The following ZKSCAN5 variants were observed in gnomAD, a reference collection of about 807,000 sequenced individuals.
The protein encoded by ZKSCAN5 is zinc finger protein with KRAB and SCAN domains 5.
In ZKSCAN5, 28 loss-of-function variants were observed where a neutral mutation model predicts 60.0. That is an observed-to-expected ratio of 0.47 (90% confidence interval 0.35 to 0.64). The LOEUF is 0.64. Among genes scored for constraint, ZKSCAN5 ranks in the 30% least tolerant of loss-of-function variants. The pLI, the probability that ZKSCAN5 is intolerant of heterozygous loss-of-function variation, is 0.01. For synonymous variants in ZKSCAN5, 361 were observed against 371.2 expected (o/e 0.97, Z 0.31); for missense variants, 881 against 1,034.6 (o/e 0.85, Z 2.04).
chr7:99,517,936 T>C (rs1008289037), intron 3 of ZKSCAN5, among the ~76,000 whole-genome samples: 1 of 152,088 alleles, frequency 6.6e-6, no homozygotes, highest in Non-Finnish European at 1.5e-5. Flanking sequence ...CAAGCTTGCA[T>C]TAGACAGTAC....
chr7:99,519,772 C>G (rs1801436433), intron 3 of ZKSCAN5, 55 bp from the exon 4 acceptor site: 7 of 1,534,854 alleles, frequency 4.6e-6, no homozygotes, highest in African/African-American at 1.4e-5. Context: ...AACATGATGG[C>G]AATGAGAACC....
Position 99,506,476 on chromosome 7 carries a change from T to C in ZKSCAN5, c.414+18T>C, listed in dbSNP as rs1027421784. On this transcript the variant is annotated intron_variant, in intron 2 of 6. Coordinates refer to ENST00000326775, the MANE Select transcript of ZKSCAN5 (RefSeq NM_145102.4). Reference sequence around the variant, plus strand: ...GACAGCAGGTGAGTCAAAGAGAAGCTATATGAGCAATGAAGGAGAGGAGTG... The same window carrying C: ...GACAGCAGGTGAGTCAAAGAGAAGCCATATGAGCAATGAAGGAGAGGAGTG... 2 of 1,592,246 alleles carry C rather than the reference T, an allele frequency of 1.3e-6. No homozygotes were observed. Among genetic ancestry groups the C allele is most frequent in the Non-Finnish European group, 1.7e-6 (2 of 1,167,176 alleles).
chr7:99,516,481 A>G (rs982139096), intron 3 of ZKSCAN5, among the ~76,000 whole-genome samples: 3 of 151,818 alleles, frequency 2.0e-5, no homozygotes, highest in African/African-American at 7.3e-5. Context: ...TTTCCTAGTC[A>G]TTGGAAATCA....
At chr7:99,530,237 G>GTC (rs1801983976) in intron 6 of ZKSCAN5, among the ~76,000 whole-genome samples, 2 of 151,822 alleles carry the variant, frequency 1.3e-5, no homozygotes, top group Non-Finnish European at 2.9e-5. Context: ...GTTTCACCAT[G>GTC]TTGGCCAGGC....
intron 2 of ZKSCAN5, among the ~76,000 whole-genome samples, chr7:99,507,423 T>C (rs895801951): frequency 7.3e-5 from 11 of 151,572 alleles, no homozygotes; most frequent in Non-Finnish European, 1.6e-4. Flanking sequence ...GTATGTAATA[T>C]ACATAATGTA....
chr7:99,530,483 A>G (rs934850591), intron 6 of ZKSCAN5, among the ~76,000 whole-genome samples: 1 of 151,700 alleles, frequency 6.6e-6, no homozygotes, highest in Admixed American at 6.6e-5. Flanking sequence ...AACTGTCTCC[A>G]TGTCATTTGC....
Position 99,531,299 on chromosome 7 carries a change from C to A in ZKSCAN5, c.1570C>A (p.Gln524Lys). The A allele has an allele frequency of 6.2e-7, 1 of 1,614,134 alleles. No homozygotes were observed. Among genetic ancestry groups the A allele is most frequent in the Non-Finnish European group, 8.5e-7 (1 of 1,180,024 alleles). ...QGIPMKEILG[Q>K]PSSKRMNYSE... ...AATTCCCATGAAAGAGATACTAGGA[C>A]AACCATCTTCAAAGAGGATGAACTA... Residue 524 changes from glutamine (Q) to lysine (K), a missense_variant, in exon 7 of 7, where the codon CAA (glutamine) becomes AAA (lysine). Coordinates refer to ENST00000326775, the MANE Select transcript of ZKSCAN5 (RefSeq NM_145102.4).
At chr7:99,508,412 G>A (rs184843103) in intron 2 of ZKSCAN5, among the ~76,000 whole-genome samples, 1 of 152,008 alleles carries the variant, frequency 6.6e-6, no homozygotes, top group African/African-American at 2.4e-5. Flanking sequence ...TGTGGCCATA[G>A]CCTGGTAGAA....
Position 99,533,754 on chromosome 7 carries a change from T to C in ZKSCAN5, c.*1505T>C, listed in dbSNP as rs1410724060. ...CTGAGCCTTCATCCGTGCTAAGCTC[T>C]CTCCCTTCTCTATCCTGTTTCATTC... On this transcript the variant is annotated 3_prime_UTR_variant, in exon 7 of 7. Transcript: ENST00000326775. 1.0e-5 allele frequency: 4 copies of C among 397,832 alleles called. No individual in the cohort carries two copies. The highest frequency in any genetic ancestry group is 1.3e-5 in the Non-Finnish European group (3 of 226,136). The allele number at this position is 397,832 out of a possible 1,614,324, so 24.6% of individuals were successfully genotyped here. A position where few individuals can be genotyped will look rare whatever the true frequency, so the allele number is the denominator to read the frequency against.
rs61735344 is a variant in ZKSCAN5, at chr7:99,531,295, A to G, written c.1566A>G (p.Leu522=). Residue 522 remains leucine, a synonymous_variant, in exon 7 of 7, where the codon CTA becomes CTG. Transcript: ENST00000326775. The part of the protein sequence containing the change: ...RKQGIPMKEI[L]GQPSSKRMNY... ...AGGGAATTCCCATGAAAGAGATACT[A>G]GGACAACCATCTTCAAAGAGGATGA... 0.031 allele frequency: 50,346 copies of G among 1,614,186 alleles called. 1,036 individuals are homozygous for G. Among genetic ancestry groups the G allele is most frequent in the Non-Finnish European group, 0.039 (46,084 of 1,180,012 alleles).
intron 5 of ZKSCAN5, among the ~76,000 whole-genome samples, chr7:99,524,642 G>T (rs987539985): frequency 6.6e-6 from 1 of 152,096 alleles, no homozygotes; most frequent in Non-Finnish European, 1.5e-5. Context: ...AAACATCCAC[G>T]GTTCTATCAG....
Position 99,531,255 on chromosome 7 carries a change from A to C in ZKSCAN5, c.1526A>C (p.Lys509Thr). 2 of 1,614,230 alleles carry C rather than the reference A, an allele frequency of 1.2e-6. No individual in the cohort carries two copies. Among genetic ancestry groups the C allele is most frequent in the Non-Finnish European group, 1.7e-6 (2 of 1,180,040 alleles). Residue 509 changes from lysine to threonine, a missense_variant, in exon 7 of 7, where the codon AAG becomes ACG. Lys to Thr is a moderately conservative substitution (Grantham distance 78). Coordinates refer to ENST00000326775, the MANE Select transcript of ZKSCAN5 (RefSeq NM_145102.4). ...GGAGAAGGCTGTGAGTTTCAAGGCA[A>C]GCTGGATAGAAAGCAGGGAATTCCC... Reference protein sequence around the residue: ...DFGEGCEFQGKLDRKQGIPMK... With the variant: ...DFGEGCEFQGTLDRKQGIPMK...
Position 99,531,438 on chromosome 7 carries a change from TAC to T in ZKSCAN5, c.1714_1715del (p.Thr572TrpfsTer8). The T allele has an allele frequency of 1.2e-6, 2 of 1,614,194 alleles. No individual in the cohort carries two copies. Among genetic ancestry groups the T allele is most frequent in the Non-Finnish European group, 1.7e-6 (2 of 1,180,026 alleles). ...GCACATCTTATTCAACATCAAAGAA[TAC>T]ACACTGGGGAGAAACCATTCAGGTG... is the stretch of plus-strand genomic sequence containing the variant. On this transcript the variant is annotated frameshift_variant, in exon 7 of 7. Transcript: ENST00000326775. LOFTEE classifies it high-confidence loss of function.
chr7:99,525,606 C>A (rs1157064140), intron 5 of ZKSCAN5, among the ~76,000 whole-genome samples: 1 of 152,038 alleles, frequency 6.6e-6, no homozygotes, highest in Admixed American at 6.6e-5. Flanking sequence ...CAGTCTCCTT[C>A]CTCTGAACAT....
chr7:99,520,158 T>C lies in ZKSCAN5; in HGVS notation c.637-11T>C, dbSNP rs774089719. On this transcript the variant is annotated splice_polypyrimidine_tract_variant and intron_variant, in intron 4 of 6. Coordinates refer to ENST00000326775, the MANE Select transcript of ZKSCAN5 (RefSeq NM_145102.4). ...AGGGAATGAGAATTTAGTGGAGATC[T>C]CCTGTTTCAGAAGTTGGTGAAAATT... 4 of 1,612,570 alleles carry C rather than the reference T, an allele frequency of 2.5e-6. No individual in the cohort carries two copies. The East Asian group carries it at 8.9e-5, about 36-fold the overall frequency.
chr7:99,524,935 G>A (rs964423708), intron 5 of ZKSCAN5, among the ~76,000 whole-genome samples: 1 of 151,958 alleles, frequency 6.6e-6, no homozygotes, highest in Non-Finnish European at 1.5e-5. Context: ...TTGGGAGGCC[G>A]AGGCGGGCAG....
At chr7:99,529,142 T>C (rs1176524988) in intron 6 of ZKSCAN5, among the ~76,000 whole-genome samples, 1 of 152,102 alleles carries the variant, frequency 6.6e-6, no homozygotes, top group Non-Finnish European at 1.5e-5. Context: ...TGTATTTGTT[T>C]TTTGTTTTTC....
At chr7:99,507,459 A>G (rs1026471411) in intron 2 of ZKSCAN5, among the ~76,000 whole-genome samples, 2 of 149,952 alleles carry the variant, frequency 1.3e-5, no homozygotes, top group African/African-American at 2.5e-5. Flanking sequence ...ATGTATATAT[A>G]TGCGTATATA....
chr7:99,516,840 C>G (rs1035244868), intron 3 of ZKSCAN5, among the ~76,000 whole-genome samples: 4 of 152,158 alleles, frequency 2.6e-5, no homozygotes, highest in African/African-American at 9.7e-5. Context: ...GTAAGTGCTC[C>G]TGCCTCTATG....
Sources: allele counts gnomAD v4.1 joint callset (sites outside exome capture counted in the v4.1 genomes callset), GRCh38; gene constraint gnomAD v4.1.1; transcripts MANE v1.5; gene names NCBI Gene and HGNC (gene_info 2026-07-23, HGNC 2026-07-21).